FLT1: variants seen among roughly 807,000 people sequenced by gnomAD.
FLT1 encodes vascular endothelial growth factor receptor 1.
In FLT1, 49 loss-of-function variants were observed where a neutral mutation model predicts 156.3. The ratio of observed to expected loss-of-function variants is 0.31; its 90% CI spans 0.25 to 0.40. FLT1 has a LOEUF of 0.40. Ranked by LOEUF, FLT1 falls within the 10% of genes least tolerant of loss-of-function variation. The probability of loss-of-function intolerance (pLI) is 1.00; values close to 1 mark genes in which losing one functional copy is unlikely to be tolerated. For missense variants in FLT1, 1,322 were observed against 1,637.2 expected, an observed-to-expected ratio of 0.81 and a Z score of 3.32; for synonymous variants, 594 against 583.8, an observed-to-expected ratio of 1.02 and a Z score of -0.25.
intron 3 of FLT1, among the ~76,000 whole-genome samples, chr13:28,449,806 T>TTTTTG (rs1054209176): frequency 3.3e-4 from 50 of 152,332 alleles, no homozygotes; most frequent in African/African-American, 7.7e-4. Context: ...AAGACATTGC[T>TTTTTG]TTTTGTTTTG....
chr13:28,381,878 G>A (rs1431207074), intron 14 of FLT1, among the ~76,000 whole-genome samples: 1 of 152,260 alleles, frequency 6.6e-6, no homozygotes. Context: ...AGTTTGCTAA[G>A]GATAGCCTAA....
intron 3 of FLT1, among the ~76,000 whole-genome samples, chr13:28,455,185 A>G (rs913105914): frequency 7.9e-5 from 12 of 152,230 alleles, no homozygotes; most frequent in Non-Finnish European, 1.6e-4. Flanking sequence ...AAAGACCCAG[A>G]ATAGCCAATA....
chr13:28,385,194 T>C (rs966644051), intron 13 of FLT1, among the ~76,000 whole-genome samples, 163 bp from the exon 14 acceptor site: 1 of 152,216 alleles, frequency 6.6e-6, no homozygotes, highest in Non-Finnish European at 1.5e-5. Flanking sequence ...CTGCTTCTAC[T>C]TTAATAAGAT....
At chr13:28,391,755 T>C (rs1480757887) in intron 12 of FLT1, among the ~76,000 whole-genome samples, 1 of 152,212 alleles carries the variant, frequency 6.6e-6, no homozygotes, top group African/African-American at 2.4e-5. Context: ...CAACACCCCA[T>C]GAGCTCTTCC....
intron 1 of FLT1, among the ~76,000 whole-genome samples, chr13:28,481,482 C>CAT (rs1555246533): frequency 8.1e-5 from 12 of 147,860 alleles, no homozygotes; most frequent in Admixed American, 5.4e-4. Context: ...CACACACACA[C>CAT]ATACACGTAC....
chr13:28,459,399 C>T (rs1450179092), intron 3 of FLT1, among the ~76,000 whole-genome samples: 1 of 152,170 alleles, frequency 6.6e-6, no homozygotes, highest in Non-Finnish European at 1.5e-5. Flanking sequence ...CCAGTTCCTA[C>T]TGGAAGATTA....
intron 3 of FLT1, among the ~76,000 whole-genome samples, chr13:28,460,572 T>C (rs1387723762): frequency 6.6e-6 from 1 of 152,016 alleles, no homozygotes; most frequent in South Asian, 2.1e-4. Flanking sequence ...CCAAAAGCAG[T>C]GGACCCAAAT....
At position 28,387,466 on chromosome 13, in the gene FLT1, T is replaced by C. The variant is rs77579229; in HGVS notation, c.1969+2330A>G. On this transcript the variant is annotated intron_variant, in intron 13 of 29. Transcript: ENST00000282397. ...GTAGTGGCTTTCCAAAATTTAACAG[T>C]GTAGCTGATCCCTTCAAATTGAGAA... 4,670 of 1,059,246 alleles carry C rather than the reference T, an allele frequency of 4.4e-3. 147 individuals carry two copies. The African/African-American group carries it at 0.07, about 16-fold the overall frequency. 65.6% of individuals were successfully genotyped at this position (1,059,246 alleles called of 1,614,324 possible). A position where few individuals can be genotyped will look rare whatever the true frequency, so the allele number is the denominator to read the frequency against.
At chr13:28,473,749 G>A (rs1438410210) in intron 1 of FLT1, among the ~76,000 whole-genome samples, 8 of 68,700 alleles carry the variant, frequency 1.2e-4, no homozygotes, top group South Asian at 5.3e-4. Flanking sequence ...AAGGAAGGAA[G>A]GAAGGAAGGA....
At chr13:28,336,792 G>GGCCGGAGTGCCGTGGC (rs1161289255) in intron 17 of FLT1, among the ~76,000 whole-genome samples, 1 of 143,172 alleles carries the variant, frequency 7.0e-6, no homozygotes, top group Non-Finnish European at 1.5e-5. Context: ...CTGTTGCCCA[G>GGCCGGAGTGCCGTGGC]GCCGGAGTGC....
intron 3 of FLT1, among the ~76,000 whole-genome samples, chr13:28,463,890 C>T (rs747741662): frequency 1.3e-5 from 2 of 152,124 alleles, no homozygotes; most frequent in Non-Finnish European, 2.9e-5. Context: ...CTACCTTGGA[C>T]TTTAATAAGG....
chr13:28,322,228 G>T lies in FLT1; in HGVS notation c.3051+34C>A. The T allele has an allele frequency of 2.4e-6, 3 of 1,243,504 alleles. No homozygotes were observed. The highest frequency in any genetic ancestry group is 3.6e-6 in the Non-Finnish European group (3 of 841,706). 77.0% of individuals were successfully genotyped at this position (1,243,504 alleles called of 1,614,324 possible). On this transcript the variant is annotated intron_variant, in intron 22 of 29. Transcript: ENST00000282397. This position sits in a 1 kb window ranked among gnomAD's most constrained non-coding sequence, Gnocchi z 4.3. ...TAGCAAAGGTGTGTGTCCAGCCCTG[G>T]CAGAGAAGAAAAACAGTAAACAGCA...
chr13:28,327,776 AGG>A lies in FLT1; in HGVS notation c.2708-228_2708-227del, dbSNP rs1871751473. Among the ~76,000 whole-genome samples the A allele has an allele frequency of 2.2e-5, 3 of 139,372 alleles. No individual in the cohort carries two copies. The South Asian group carries it at 7.0e-4, about 32-fold the overall frequency. 91.4% of individuals were successfully genotyped at this position (139,372 alleles called of 152,430 possible). ...AAATACAAAAAAAAAAAAAAAAAAAAGGAGGTGAGGGGCAGTGCAGAAGCATT... is the reference window on the plus strand; with the variant it reads ...AAATACAAAAAAAAAAAAAAAAAAAAAGGTGAGGGGCAGTGCAGAAGCATT... On this transcript the variant is annotated intron_variant, in intron 19 of 29. Coordinates refer to ENST00000282397, the MANE Select transcript of FLT1 (RefSeq NM_002019.4).
intron 14 of FLT1, among the ~76,000 whole-genome samples, chr13:28,372,076 AT>A (rs56114428): frequency 1.9e-3 from 22 of 11,740 alleles, no homozygotes; most frequent in African/African-American, 6.4e-3. Flanking sequence ...ATATATATAT[AT>A]TTTTTTTTTT....
At chr13:28,430,745 A>G (rs1877630589) in intron 7 of FLT1, among the ~76,000 whole-genome samples, 1 of 152,250 alleles carries the variant, frequency 6.6e-6, no homozygotes, top group Non-Finnish European at 1.5e-5. Context: ...CATTAATTCT[A>G]AATGATTTAG....
intron 1 of FLT1, among the ~76,000 whole-genome samples, chr13:28,473,667 AAGAAAG>A (rs776088055): frequency 1.1e-4 from 14 of 128,364 alleles, no homozygotes; most frequent in South Asian, 7.4e-4. Flanking sequence ...GAAAGAAAGA[AAGAAAG>A]AGAGAGAGAG....
chr13:28,427,082 T>G, intron 10 of FLT1, 77 bp downstream of exon 10: 1 of 1,326,908 alleles, frequency 7.5e-7, no homozygotes, highest in Non-Finnish European at 1.1e-6. Flanking sequence ...CAGATTCCCA[T>G]CTGCGTCCAT....
At chr13:28,474,505 C>CACACACACACACAGACACACAG (rs1555245753) in intron 1 of FLT1, among the ~76,000 whole-genome samples, 20 of 150,916 alleles carry the variant, frequency 1.3e-4, no homozygotes, top group South Asian at 1.1e-3. Context: ...CACACACACA[C>CACACACACACACAGACACACAG]ACACACACAC....
At chr13:28,423,135 A>C (rs1290982209) in intron 10 of FLT1, among the ~76,000 whole-genome samples, 2 of 152,154 alleles carry the variant, frequency 1.3e-5, no homozygotes, top group African/African-American at 4.8e-5. Flanking sequence ...CTAGAAATTG[A>C]AAGTGGACTG....
Sources: allele counts gnomAD v4.1 joint callset (sites outside exome capture counted in the v4.1 genomes callset), GRCh38; gene constraint gnomAD v4.1.1; non-coding constraint Gnocchi (gnomAD v3.1); transcripts MANE v1.5; gene names NCBI Gene and HGNC (gene_info 2026-07-23, HGNC 2026-07-21).